LOC400499: variants seen among roughly 807,000 people sequenced by gnomAD.
At chr16:11,507,594 C>T in the LOC400499 span, among the ~76,000 whole-genome samples, 1 of 152,188 alleles carries the variant, frequency 6.6e-6, no homozygotes, top group Non-Finnish European at 1.5e-5. Context: ...GCAAGTGAGG[C>T]CCCGGAGCTT....
the LOC400499 span, among the ~76,000 whole-genome samples, chr16:11,419,284 G>A: frequency 6.6e-6 from 1 of 152,002 alleles, no homozygotes; most frequent in African/African-American, 2.4e-5. Context: ...AGAGCCCTCA[G>A]AAATAACGCC....
chr16:11,502,865 C>G, the LOC400499 span, among the ~76,000 whole-genome samples: 3 of 148,434 alleles, frequency 2.0e-5, no homozygotes. Flanking sequence ...CTGCCCGCCT[C>G]GGCCTTCCAA....
At chr16:11,500,667 A>T in the LOC400499 span, 1 of 396,626 alleles carries the variant, frequency 2.5e-6, no homozygotes, top group Admixed American at 4.4e-5. Flanking sequence ...GAAGCCCAGG[A>T]GGATGGGTGG....
At chr16:11,434,638 T>A in the LOC400499 span, among the ~76,000 whole-genome samples, 1 of 152,208 alleles carries the variant, frequency 6.6e-6, no homozygotes, top group Non-Finnish European at 1.5e-5. Flanking sequence ...GAAAAGAGTT[T>A]GTTTTTTCCG....
chr16:11,392,739 A>C, the LOC400499 span: 1 of 979,736 alleles, frequency 1.0e-6, no homozygotes, highest in Non-Finnish European at 1.2e-6. Flanking sequence ...GGGTTTCCTG[A>C]GGTTTTTTTT....
chr16:11,478,479 T>G, the LOC400499 span: 1 of 398,748 alleles, frequency 2.5e-6, no homozygotes, highest in Non-Finnish European at 4.4e-6. Flanking sequence ...CTTAAGTGCT[T>G]TGCCAAGTGT....
the LOC400499 span, chr16:11,396,513 C>T: frequency 8.1e-7 from 1 of 1,232,098 alleles, no homozygotes; most frequent in South Asian, 4.1e-5. Context: ...CCACTGACCT[C>T]CAGTGCCCCG....
At chr16:11,436,854 A>G in the LOC400499 span, among the ~76,000 whole-genome samples, 1 of 152,026 alleles carries the variant, frequency 6.6e-6, no homozygotes, top group Admixed American at 6.6e-5. Context: ...TCGACCTCCC[A>G]AAGTGCTGGG....
chr16:11,422,026 G>A, the LOC400499 span, among the ~76,000 whole-genome samples: 4 of 152,380 alleles, frequency 2.6e-5, no homozygotes, highest in South Asian at 4.1e-4. Flanking sequence ...ACAGCCCAGT[G>A]ACACATTTCA....
At chr16:11,419,292 G>A in the LOC400499 span, among the ~76,000 whole-genome samples, 4 of 151,878 alleles carry the variant, frequency 2.6e-5, no homozygotes, top group Admixed American at 6.6e-5. Context: ...CAGAAATAAC[G>A]CCGCTTATCT....
the LOC400499 span, chr16:11,390,564 G>C: frequency 3.1e-6 from 3 of 971,566 alleles, no homozygotes; most frequent in African/African-American, 5.0e-5. Context: ...GCCTGTTCCT[G>C]GGATTAAGAT....
chr16:11,448,996 G>C, the LOC400499 span: 23 of 1,523,162 alleles, frequency 1.5e-5, no homozygotes, highest in Middle Eastern at 1.7e-4. Flanking sequence ...AGGATCTTAC[G>C]GTCCCGGCTG....
chr16:11,384,949 C>T, the LOC400499 span: 28 of 1,232,090 alleles, frequency 2.3e-5, no homozygotes, highest in Non-Finnish European at 2.8e-5. Flanking sequence ...AGGAGACAGA[C>T]ACCCCGTCCT....
chr16:11,511,684 T>C, the LOC400499 span, among the ~76,000 whole-genome samples: 1 of 152,156 alleles, frequency 6.6e-6, no homozygotes, highest in Non-Finnish European at 1.5e-5. Flanking sequence ...TCTGGGAAGA[T>C]GATGGCTAAT....
At chr16:11,435,482 TGAA>T in the LOC400499 span, among the ~76,000 whole-genome samples, 2 of 152,114 alleles carry the variant, frequency 1.3e-5, no homozygotes, top group East Asian at 3.9e-4. Flanking sequence ...AGGGCCAAAG[TGAA>T]GAAGTGAACA....
chr16:11,469,742 A>G, the LOC400499 span: 5 of 398,544 alleles, frequency 1.3e-5, no homozygotes, highest in Non-Finnish European at 2.2e-5. Flanking sequence ...TGTCCTCACA[A>G]TCCCCCAACC....
the LOC400499 span, chr16:11,387,400 G>A: frequency 1.1e-6 from 1 of 929,770 alleles, no homozygotes; most frequent in Non-Finnish European, 1.4e-6. Context: ...GCAGTGGAGA[G>A]CATGAGGGTG....
chr16:11,399,801 C>G, the LOC400499 span: 9 of 398,732 alleles, frequency 2.3e-5, no homozygotes, highest in Non-Finnish European at 3.5e-5. Flanking sequence ...GTCCTCTGTT[C>G]CAGGTGAGCT....
At chr16:11,492,399 A>G in the LOC400499 span, among the ~76,000 whole-genome samples, 1 of 152,166 alleles carries the variant, frequency 6.6e-6, no homozygotes, top group East Asian at 1.9e-4. Flanking sequence ...GGTGACAGCC[A>G]TAAACAAGAC....
Sources: gnomAD v4.1 joint callset for allele counts (sites outside exome capture counted in the v4.1 genomes callset) on GRCh38, gnomAD v4.1.1 for gene constraint, MANE v1.5 for transcripts.